FAM20C: variants seen among roughly 807,000 people sequenced by gnomAD.
The protein encoded by FAM20C is FAM20C golgi associated secretory pathway kinase.
Under a neutral mutation model 51.5 loss-of-function variants are expected in FAM20C, and 40 were observed. The ratio of observed to expected loss-of-function variants is 0.78; its 90% confidence interval spans 0.60 to 1.01. The LOEUF (loss-of-function observed/expected upper bound fraction) is 1.01. FAM20C is among the 50% of genes least tolerant of loss of function. The pLI is 0.00. For missense variants in FAM20C, 861 were observed against 844.7 expected (o/e 1.02, Z -0.24); for synonymous variants, 406 against 380.6 (o/e 1.07, Z -0.78).
At chr7:233,741 C>G (rs1787768720) in intron 3 of FAM20C, among the ~76,000 whole-genome samples, 1 of 152,180 alleles carries the variant, frequency 6.6e-6, no homozygotes, top group South Asian at 2.1e-4. Context: ...TCCCGCCACG[C>G]GAGGCAGCAG....
rs10259846 is a variant in FAM20C at position 195,500 on chromosome 7, G to C, written c.606-54G>C. 1.9e-3 allele frequency: 2,616 copies of C among 1,383,286 alleles called. 39 individuals are homozygous for C. The African/African-American group carries it at 0.035, about 19-fold the overall frequency. The allele number at this position is 1,383,286 out of a possible 1,614,324, so 85.7% of individuals were successfully genotyped here. A position where few individuals can be genotyped will look rare whatever the true frequency, so the allele number is the denominator to read the frequency against. On this transcript the variant is annotated intron_variant, in intron 1 of 9. Transcript: ENST00000313766. ...CGTCGGTGCCCTCTCCCCGTCATCC[G>C]ACTCACGGGCCTGTTCTTTCCATGC...
intron 3 of FAM20C, among the ~76,000 whole-genome samples, chr7:243,944 A>ATTATTATT (rs1554254465): frequency 0.028 from 3,780 of 136,742 alleles, 64 homozygotes; most frequent in South Asian, 0.054. Context: ...TAATAATAAT[A>ATTATTATT]ATTATTATTA....
chr7:230,269 C>A (rs1787607004), intron 3 of FAM20C, among the ~76,000 whole-genome samples: 1 of 150,838 alleles, frequency 6.6e-6, no homozygotes, highest in Non-Finnish European at 1.5e-5. Flanking sequence ...GCTCCTGGAG[C>A]CCCCAGAGCT....
At position 193,092 on chromosome 7, in the gene FAM20C, G is replaced by T; in HGVS notation, c.-108G>T. 9.7e-7 allele frequency: 1 copy of T among 1,028,514 alleles called. No individual in the cohort carries two copies. The highest frequency in any genetic ancestry group is 1.3e-6 in the Non-Finnish European group (1 of 796,064). 63.7% of individuals were successfully genotyped at this position (1,028,514 alleles called of 1,614,324 possible). A position where few individuals can be genotyped will look rare whatever the true frequency, so the allele number is the denominator to read the frequency against. On this transcript the variant is annotated 5_prime_UTR_variant, in exon 1 of 10. Transcript: ENST00000313766. ...ACAGCCCCGGAGCTGGTAGCCGCCCGGCACCGATGGACCTTGACCCGCGAG... is the reference window on the plus strand; with the variant it reads ...ACAGCCCCGGAGCTGGTAGCCGCCCTGCACCGATGGACCTTGACCCGCGAG...
In FAM20C at chr7:248,381, G is replaced by A. The variant is rs1788257453; in HGVS notation, c.1023G>A (p.Arg341=). ...GRMVNMTKEI[R]DVTRDKKLWR... is the part of the protein sequence containing the mutation. ...TGGTCAACATGACCAAGGAGATCCG[G>A]GACGTCACACGGGACAAGAAGCTCT... The change falls in exon 5 of 10, where the codon CGG becomes CGA. Residue 341 remains arginine, a synonymous_variant. Transcript: ENST00000313766. 2 of 1,537,088 alleles carry A rather than the reference G, an allele frequency of 1.3e-6. No homozygotes were observed. Among genetic ancestry groups the A allele is most frequent in the African/African-American group, 2.7e-5 (2 of 73,054 alleles).
At position 219,824 on chromosome 7, in the gene FAM20C, G is replaced by A. The variant is rs576213977; in HGVS notation, c.863+10848G>A. On this transcript the variant is annotated intron_variant, in intron 3 of 9. Transcript: ENST00000313766. ...TGGTTTTGAGGACCAGTGAGGGATC[G>A]GTTTGGAATTTCGAAGGATTTTCTG... 2.2e-4 allele frequency among the ~76,000 whole-genome samples: 34 copies of A among 152,308 alleles called. No homozygotes were observed. In the Middle Eastern group the frequency reaches 0.01, roughly 46 times the overall value.
At chr7:206,541 ACGTGTCC>A (rs879695462) in intron 2 of FAM20C, among the ~76,000 whole-genome samples, 6,756 of 113,296 alleles carry the variant, frequency 0.06, 199 homozygotes, top group African/African-American at 0.11. Flanking sequence ...GGCCCTGCAC[ACGTGTCC>A]ACTGTGACGC....
At chr7:256,876 C>T (rs1179039892) in intron 7 of FAM20C, 113 bp downstream of exon 7, 7 of 1,413,104 alleles carry the variant, frequency 5.0e-6, no homozygotes, top group Non-Finnish European at 6.7e-6. Flanking sequence ...GTCCTGTGGC[C>T]TGTGAAGGGG....
chr7:195,312 G>A (rs759898193), intron 1 of FAM20C: 5 of 420,856 alleles, frequency 1.2e-5, no homozygotes, highest in African/African-American at 6.1e-5. Flanking sequence ...AGAGCTGTCT[G>A]TGGTGTCTCC....
chr7:258,566 C>A, intron 8 of FAM20C, 80 bp from the exon 9 acceptor site: 1 of 1,423,426 alleles, frequency 7.0e-7, no homozygotes, highest in African/African-American at 1.4e-5. Flanking sequence ...GCAGGTGGAC[C>A]CATGGCCCAG....
intron 2 of FAM20C, among the ~76,000 whole-genome samples, chr7:201,767 C>T (rs1451562341): frequency 6.6e-6 from 1 of 152,202 alleles, no homozygotes; most frequent in East Asian, 1.9e-4. Flanking sequence ...TGCATACGAA[C>T]ATCGCCTCTG....
rs925412471 is a variant in FAM20C, at chr7:192,895, C to T, written c.-305C>T. On this transcript the variant is annotated 5_prime_UTR_variant, in exon 1 of 10. Transcript: ENST00000313766. Reference sequence around the variant, plus strand: ...GGCGGCTGCGAGCGCCGAGCCTCCCCCTGCTGCGGCCCCAGCCGCCCCCCG... The same window carrying T: ...GGCGGCTGCGAGCGCCGAGCCTCCCTCTGCTGCGGCCCCAGCCGCCCCCCG... 1 of 149,366 alleles carries T rather than the reference C, an allele frequency of 6.7e-6. No individual in the cohort carries two copies. The highest frequency in any genetic ancestry group is 2.4e-5 in the African/African-American group (1 of 41,010). 9.3% of individuals were successfully genotyped at this position (149,366 alleles called of 1,614,324 possible).
intron 2 of FAM20C, among the ~76,000 whole-genome samples, chr7:198,785 C>T (rs534779740): frequency 1.3e-5 from 2 of 152,290 alleles, no homozygotes; most frequent in African/African-American, 4.8e-5. Flanking sequence ...GGGGGAAGCT[C>T]TCCTACTGGG....
chr7:222,798 CCT>C lies in FAM20C; in HGVS notation c.863+13823_863+13824del, dbSNP rs1787287355. Among the ~76,000 whole-genome samples, 3 of 152,032 alleles carry C rather than the reference CCT, an allele frequency of 2.0e-5. No individual in the cohort carries two copies. The South Asian group carries it at 6.2e-4, about 31-fold the overall frequency. ...TAGGTGAGCGTGTGGGTGTGCATTG[CCT>C]GTGTATGCATGTGTATGAGTGTGTA... On this transcript the variant is annotated intron_variant, in intron 3 of 9. Coordinates refer to ENST00000313766, the MANE Select transcript of FAM20C (RefSeq NM_020223.4).
intron 5 of FAM20C, among the ~76,000 whole-genome samples, chr7:253,414 C>T (rs1047352513): frequency 1.3e-5 from 2 of 152,034 alleles, no homozygotes; most frequent in African/African-American, 4.8e-5. Flanking sequence ...GGAGGCCAAC[C>T]GTGATGCCAT....
chr7:202,452 G>C (rs1439059103), intron 2 of FAM20C, among the ~76,000 whole-genome samples: 2 of 135,708 alleles, frequency 1.5e-5, no homozygotes, highest in Non-Finnish European at 3.1e-5. Context: ...GGAATGGGGG[G>C]GCGCTATGGA....
At chr7:207,791 CT>C (rs1487338523) in intron 2 of FAM20C, among the ~76,000 whole-genome samples, 2 of 152,260 alleles carry the variant, frequency 1.3e-5, no homozygotes, top group African/African-American at 4.8e-5. Flanking sequence ...GAGGCCCTCG[CT>C]GTGGCCAGCT....
rs967930301 is a variant in FAM20C, at chr7:248,178, G to A, written c.957-137G>A. The A allele has an allele frequency of 2.4e-4, 148 of 610,734 alleles. 2 individuals are homozygous for A. The East Asian group carries it at 3.8e-3, about 16-fold the overall frequency. 37.8% of individuals were successfully genotyped at this position (610,734 alleles called of 1,614,324 possible). A position where few individuals can be genotyped will look rare whatever the true frequency, so the allele number is the denominator to read the frequency against. On this transcript the variant is annotated intron_variant, in intron 4 of 9. Coordinates refer to ENST00000313766, the MANE Select transcript of FAM20C (RefSeq NM_020223.4). ...ACCGGACCTAGGGCTGGGTTTATTC[G>A]GAGGCAGGGACACAGAGGCCCGCTG... is the stretch of plus-strand genomic sequence containing the variant.
chr7:194,059 T>G, intron 1 of FAM20C: 2 of 494,366 alleles, frequency 4.0e-6, no homozygotes, highest in Non-Finnish European at 6.8e-6. Context: ...CCCGCGCCCT[T>G]TAGAAGCGAG....
Sources: allele counts gnomAD v4.1 joint callset (sites outside exome capture counted in the v4.1 genomes callset), GRCh38; gene constraint gnomAD v4.1.1; transcripts MANE v1.5; gene names NCBI Gene and HGNC (gene_info 2026-07-23, HGNC 2026-07-21).